Variants in PRPF40B observed in about 807,000 individuals in gnomAD.
PRPF40B encodes pre-mRNA processing factor 40B, also known as pre-mRNA-processing factor 40 homolog B.
A neutral mutation model predicts 124.5 loss-of-function variants in PRPF40B; 56 were observed. The ratio of observed to expected loss-of-function variants is 0.45; its 90% confidence interval spans 0.36 to 0.56. The LOEUF (loss-of-function observed/expected upper bound fraction) is 0.56. Ranked by LOEUF, PRPF40B falls within the 20% of genes least tolerant of loss-of-function variation. PRPF40B has a pLI of 0.00. For missense variants in PRPF40B, 1,053 were observed against 1,169.5 expected (o/e 0.90, Z 1.45); for synonymous variants, 443 against 426.4 (o/e 1.04, Z -0.48).
Position 49,637,460 on chromosome 12 carries a change from C to A in PRPF40B, c.1561-10C>A. ...CTCACTCTCCCTATAACTGGCCTCT[C>A]CCTGCTCAGACCTTCCTGGACGAGC... On this transcript the variant is annotated splice_polypyrimidine_tract_variant and intron_variant, in intron 16 of 25. Transcript: ENST00000548825. 16 of 1,607,416 alleles carry A rather than the reference C, an allele frequency of 1.0e-5. No homozygotes were observed. Among genetic ancestry groups the A allele is most frequent in the Non-Finnish European group, 1.4e-5 (16 of 1,175,312 alleles).
Position 49,634,413 on chromosome 12 carries a change from G to A in PRPF40B, c.894G>A (p.Arg298=). 2 of 1,614,208 alleles carry A rather than the reference G, an allele frequency of 1.2e-6. No homozygotes were observed. The highest frequency in any genetic ancestry group is 1.7e-6 in the Non-Finnish European group (2 of 1,180,028). ...GGTCTGGCCTCAGTTGGAGCAACCG[G>A]GAGAAGGCAAAGCAGGCATTCAAGG... ...PERSGLSWSN[R]EKAKQAFKEL... is the part of the protein sequence containing the mutation. The change falls in exon 11 of 26, where the codon CGG becomes CGA. Residue 298 remains arginine, a synonymous_variant. Transcript: ENST00000548825.
intron 15 of PRPF40B, chr12:49,636,351 T>G (rs1026767803): frequency 5.0e-6 from 2 of 399,730 alleles, no homozygotes; most frequent in Non-Finnish European, 9.1e-6. Context: ...TAGACTGTTG[T>G]TGGCCTGTAA....
In PRPF40B at chr12:49,634,088, A is replaced by T; in HGVS notation, c.808A>T (p.Ser270Cys). 1 of 1,612,206 alleles carries T rather than the reference A, an allele frequency of 6.2e-7. No homozygotes were observed. The highest frequency in any genetic ancestry group is 8.5e-7 in the Non-Finnish European group (1 of 1,179,688). Residue 270 changes from serine (S) to cysteine (C), a missense_variant, in exon 10 of 26, where the codon AGC becomes TGC. Transcript: ENST00000548825. ...GFLQQLEEGP[S>C]SSGQHQPQQE... ...CCTGCAGCAGCTGGAGGAGGGCCCC[A>T]GCAGGTGAGGGCTGCCCCCCATGGC...
Position 49,632,358 on chromosome 12 carries a change from G to A in PRPF40B, c.295-238G>A, listed in dbSNP as rs148974496. On this transcript the variant is annotated intron_variant, in intron 4 of 25. Transcript: ENST00000548825. Reference sequence around the variant, plus strand: ...CACTGTGAAGGAATGAGCCTCGGGAGTTGTCTCAACAAAATACTCTCACTT... The same window carrying A: ...CACTGTGAAGGAATGAGCCTCGGGAATTGTCTCAACAAAATACTCTCACTT... The A allele has an allele frequency of 7.8e-3, 4,500 of 577,730 alleles. 29 individuals carry two copies. The highest frequency in any genetic ancestry group is 0.01 in the Non-Finnish European group (3,405 of 327,102). 35.8% of individuals were successfully genotyped at this position (577,730 alleles called of 1,614,324 possible).
rs376648517 is a variant in PRPF40B, at chr12:49,632,996, GC to G, written c.349-7del. 69,566 of 1,007,120 alleles carry G rather than the reference GC, an allele frequency of 0.069. 79 individuals carry two copies. The highest frequency in any genetic ancestry group is 0.13 in the East Asian group (3,234 of 24,868). The allele number at this position is 1,007,120 out of a possible 1,614,324, so 62.4% of individuals were successfully genotyped here. A position where few individuals can be genotyped will look rare whatever the true frequency, so the allele number is the denominator to read the frequency against. On this transcript the variant is annotated splice_polypyrimidine_tract_variant and intron_variant, in intron 6 of 25. Transcript: ENST00000548825. ...AAAGGGGCCTTGACCACCATTCTGTGCCCCCCCCCCCACCCAGAGGGCCCTA... is the reference window on the plus strand; with the variant it reads ...AAAGGGGCCTTGACCACCATTCTGTGCCCCCCCCCCACCCAGAGGGCCCTA...
At position 49,635,157 on chromosome 12, in the gene PRPF40B, GAGA is replaced by G. The variant is rs779488525; in HGVS notation, c.1063_1065del (p.Lys355del). 6.2e-7 allele frequency: 1 copy of G among 1,614,086 alleles called. No homozygotes were observed. The highest frequency in any genetic ancestry group is 1.1e-5 in the South Asian group (1 of 91,088). ...ATTCAATGCCTACAAGGCGCAGCGG[GAGA>G]AGGAGGAGAAGGAGGAGGCCCGGCT... On this transcript the variant is annotated inframe_deletion, in exon 13 of 26. Coordinates refer to ENST00000548825, the MANE Select transcript of PRPF40B (RefSeq NM_001031698.3). The surrounding 1 kb of genome is among the most constrained non-coding windows in gnomAD (Gnocchi z 4.1).
chr12:49,632,422 T>C (rs908630092), intron 4 of PRPF40B, 174 bp from the exon 5 acceptor site: 6 of 696,768 alleles, frequency 8.6e-6, no homozygotes, highest in Non-Finnish European at 1.5e-5. Context: ...CGATTCTCCC[T>C]TGGGATCCCA....
At chr12:49,627,569 A>G (rs997635070) in intron 1 of PRPF40B, among the ~76,000 whole-genome samples, 2 of 152,126 alleles carry the variant, frequency 1.3e-5, no homozygotes, top group Admixed American at 6.5e-5. Context: ...TAGGGCTGGA[A>G]CTGAGACCCA....
intron 12 of PRPF40B, 107 bp from the exon 13 acceptor site, chr12:49,634,992 C>A: frequency 8.3e-7 from 1 of 1,211,014 alleles, no homozygotes; most frequent in Non-Finnish European, 1.1e-6. Flanking sequence ...CATCTGTGCC[C>A]TTGGAGCCCC....
At position 49,643,872 on chromosome 12, in the gene PRPF40B, G is replaced by C. The variant is rs766956522; in HGVS notation, c.2454G>C (p.Glu818Asp). Residue 818 changes from glutamate to aspartate, a missense_variant, in exon 25 of 26, where the codon GAG becomes GAC. Coordinates refer to ENST00000548825, the MANE Select transcript of PRPF40B (RefSeq NM_001031698.3). ...CTGGACTCTTACAGAATAGTCCTGA[G>C]AGTGAGACAGACCCTGAGGAGAAAG... ...KKRRHKSNSP[E>D]SETDPEEKAG... 2 of 1,614,218 alleles carry C rather than the reference G, an allele frequency of 1.2e-6. No individual in the cohort carries two copies. Among genetic ancestry groups the C allele is most frequent in the Non-Finnish European group, 1.7e-6 (2 of 1,180,036 alleles).
rs752101105 is a variant in PRPF40B at position 49,634,447 on chromosome 12, A to C, written c.928A>C (p.Arg310=). The C allele has an allele frequency of 6.2e-7, 1 of 1,614,162 alleles. No homozygotes were observed. Among genetic ancestry groups the C allele is most frequent in the East Asian group, 2.2e-5 (1 of 44,886 alleles). Residue 310 remains arginine (R), a synonymous_variant, in exon 11 of 26, where the codon AGG becomes CGG. Coordinates refer to ENST00000548825, the MANE Select transcript of PRPF40B (RefSeq NM_001031698.3). ...AAAGCAGGCATTCAAGGAACTGCTG[A>C]GGGACAAGGTGCTGGAGTGGGGCTC... The part of the protein sequence containing the change: ...KAKQAFKELL[R]DKAVPSNASW...
intron 18 of PRPF40B, chr12:49,640,897 G>A (rs1218579943): frequency 1.3e-5 from 2 of 152,206 alleles, no homozygotes; most frequent in South Asian, 2.1e-4. Flanking sequence ...GGGTGACTTG[G>A]AGCTTTCAAT....
intron 1 of PRPF40B, among the ~76,000 whole-genome samples, chr12:49,629,292 C>T (rs1157744197): frequency 6.6e-6 from 1 of 152,214 alleles, no homozygotes; most frequent in Non-Finnish European, 1.5e-5. Flanking sequence ...CATATCGAGA[C>T]AATAAGCTTC....
intron 4 of PRPF40B, 186 bp from the exon 5 acceptor site, chr12:49,632,410 T>C: frequency 4.5e-6 from 3 of 663,482 alleles, no homozygotes; most frequent in Admixed American, 5.1e-5. Flanking sequence ...GGAGCTGCTA[T>C]GCGATTCTCC....
chr12:49,633,525 C>G lies in PRPF40B; in HGVS notation c.558C>G (p.Pro186=), dbSNP rs528349627. The G allele has an allele frequency of 2.5e-6, 4 of 1,614,228 alleles. No individual in the cohort carries two copies. The highest frequency in any genetic ancestry group is 2.5e-6 in the Non-Finnish European group (3 of 1,180,034). ...GTAAAGAGTCCCGCTGGACCCGGCC[C>G]AAGGATCTGGATGACCTAGAGGGTG... ...NQSKESRWTR[P]KDLDDLEVLV... The change falls in exon 8 of 26, where the codon CCC becomes CCG. Residue 186 remains proline (P), a synonymous_variant. Transcript: ENST00000548825.
At position 49,634,014 on chromosome 12, in the gene PRPF40B, G is replaced by C; in HGVS notation, c.734G>C (p.Ser245Thr). 1 of 1,614,156 alleles carries C rather than the reference G, an allele frequency of 6.2e-7. No individual in the cohort carries two copies. The highest frequency in any genetic ancestry group is 8.5e-7 in the Non-Finnish European group (1 of 1,180,000). The change falls in exon 10 of 26, where the codon AGT becomes ACT. Residue 245 changes from serine to threonine, a missense_variant. Physicochemically the swap from Ser to Thr is moderately conservative, Grantham distance 58 (BLOSUM62 1). Transcript: ENST00000548825. ...TGLLEPEPGG[S>T]EDCDVLEATQ... ...CTCCTGGAACCTGAGCCAGGTGGGA[G>C]TGAAGATTGTGATGTGTTGGAGGCC...
In PRPF40B at chr12:49,632,996, G is replaced by GGGGGGGCCCCCCCC; in HGVS notation, c.349-18_349-17insGGGGGGCCCCCCCC. ...AAAGGGGCCTTGACCACCATTCTGTGCCCCCCCCCCCACCCAGAGGGCCCT... is the reference window on the plus strand; with the variant it reads ...AAAGGGGCCTTGACCACCATTCTGTGGGGGGGCCCCCCCCCCCCCCCCCCCACCCAGAGGGCCCT... On this transcript the variant is annotated splice_polypyrimidine_tract_variant and intron_variant, in intron 6 of 25. Coordinates refer to ENST00000548825, the MANE Select transcript of PRPF40B (RefSeq NM_001031698.3). The GGGGGGGCCCCCCCC allele has an allele frequency of 1.4e-5, 16 of 1,147,382 alleles. No individual in the cohort carries two copies. The highest frequency in any genetic ancestry group is 1.7e-5 in the African/African-American group (1 of 57,782). 71.1% of individuals were successfully genotyped at this position (1,147,382 alleles called of 1,614,324 possible).
At chr12:49,630,978 A>T (rs185446804) in intron 2 of PRPF40B, among the ~76,000 whole-genome samples, 9 of 152,278 alleles carry the variant, frequency 5.9e-5, no homozygotes, top group Admixed American at 5.9e-4. Context: ...TTCGGGCTGG[A>T]ATGGCATTGG....
chr12:49,632,470 G>A, intron 4 of PRPF40B, 126 bp from the exon 5 acceptor site: 1 of 1,024,012 alleles, frequency 9.8e-7, no homozygotes, highest in Non-Finnish European at 1.4e-6. Flanking sequence ...GCCTGTTAGG[G>A]AGCAGAGATC....
Sources: gnomAD v4.1 joint callset for allele counts (sites outside exome capture counted in the v4.1 genomes callset) on GRCh38, gnomAD v4.1.1 for gene constraint, Gnocchi (gnomAD v3.1) non-coding constraint, MANE v1.5 for transcripts, NCBI Gene and HGNC (gene_info 2026-07-23, HGNC 2026-07-21) for gene names.